Variants in IQCH observed in about 807,000 individuals in gnomAD.
IQCH encodes the protein IQ motif containing H, also known as IQ domain-containing protein H.
In IQCH, 98 loss-of-function variants were observed where a neutral mutation model predicts 117.0. The observed-to-expected ratio is 0.84, with a 90% CI of 0.71 to 0.99. The LOEUF (loss-of-function observed/expected upper bound fraction) is 0.99, where lower values mean the gene tolerates loss of function less well. IQCH is among the 50% of genes least tolerant of loss of function. The pLI, the probability that IQCH is intolerant of heterozygous loss-of-function variation, is 0.00. For missense variants in IQCH, 1,102 were observed against 1,243.8 expected (o/e 0.89, Z 1.72); for synonymous variants, 412 against 448.2 (o/e 0.92, Z 1.02).
In IQCH at chr15:67,273,762, T is replaced by G. The variant is rs577412592; in HGVS notation, c.270-5633T>G. On this transcript the variant is annotated intron_variant, in intron 3 of 20. Transcript: ENST00000335894. ...TTATGTACTTAATTTTACCAGTGAG[T>G]TTTTTTACCTTCCAATGTTTTCTCT... Among the ~76,000 whole-genome samples the G allele has an allele frequency of 3.9e-5, 6 of 152,222 alleles. No individual in the cohort carries two copies. The South Asian group carries it at 1.2e-3, about 32-fold the overall frequency.
chr15:67,410,326 C>T (rs1268153147), intron 14 of IQCH, among the ~76,000 whole-genome samples: 2 of 152,202 alleles, frequency 1.3e-5, no homozygotes, highest in African/African-American at 4.8e-5. Flanking sequence ...AAACATTGGT[C>T]TGGCTTCAGA....
At position 67,357,440 on chromosome 15, in the gene IQCH, A is replaced by G. The variant is rs750204010; in HGVS notation, c.714+19A>G. On this transcript the variant is annotated intron_variant, in intron 7 of 20. Transcript: ENST00000335894. ...ATCAAAGGTATTTATATTCCTCACT[A>G]TAGAAAGAAAATTATTCTTATTTAC... 8 of 1,461,834 alleles carry G rather than the reference A, an allele frequency of 5.5e-6. No homozygotes were observed. The highest frequency in any genetic ancestry group is 3.4e-5 in the South Asian group (3 of 87,924). 90.6% of individuals were successfully genotyped at this position (1,461,834 alleles called of 1,614,324 possible). A position where few individuals can be genotyped will look rare whatever the true frequency, so the allele number is the denominator to read the frequency against.
chr15:67,446,159 G>A (rs2082386197), intron 16 of IQCH, among the ~76,000 whole-genome samples: 1 of 152,172 alleles, frequency 6.6e-6, no homozygotes, highest in South Asian at 2.1e-4. Context: ...TGTTATCCCA[G>A]ATTTTGAGGG....
At chr15:67,409,752 A>C (rs2081397318) in intron 14 of IQCH, among the ~76,000 whole-genome samples, 2 of 152,222 alleles carry the variant, frequency 1.3e-5, no homozygotes, top group Non-Finnish European at 2.9e-5. Flanking sequence ...AGATGGAGCA[A>C]ATATTTTACA....
chr15:67,327,402 C>T (rs549430173), intron 4 of IQCH, among the ~76,000 whole-genome samples: 1 of 152,204 alleles, frequency 6.6e-6, no homozygotes, highest in Non-Finnish European at 1.5e-5. Flanking sequence ...TTTGATGATA[C>T]ATTGCTGCAT....
intron 16 of IQCH, among the ~76,000 whole-genome samples, chr15:67,440,196 A>G (rs2082235928): frequency 6.6e-6 from 1 of 152,218 alleles, no homozygotes; most frequent in African/African-American, 2.4e-5. Flanking sequence ...GAACAGAACT[A>G]TAACAAGCAA....
At position 67,389,107 on chromosome 15, in the gene IQCH, A is replaced by G. The variant is rs151229752; in HGVS notation, c.1632+101A>G. 3.4e-6 allele frequency: 3 copies of G among 889,400 alleles called. No homozygotes were observed. The East Asian group carries it at 7.6e-5, about 22-fold the overall frequency. 55.1% of individuals were successfully genotyped at this position (889,400 alleles called of 1,614,324 possible). A position where few individuals can be genotyped will look rare whatever the true frequency, so the allele number is the denominator to read the frequency against. ...CTCTGGTACACATCAGTGAAATATT[A>G]TTGCAAGTTTAACAGCTTTACTGAT... On this transcript the variant is annotated intron_variant, in intron 12 of 20. Transcript: ENST00000335894.
At chr15:67,256,143 T>C (rs1477189058) in intron 1 of IQCH, among the ~76,000 whole-genome samples, 1 of 152,132 alleles carries the variant, frequency 6.6e-6, no homozygotes, top group African/African-American at 2.4e-5. Context: ...TCCAATTTTA[T>C]TATAGTGAAG....
intron 18 of IQCH, among the ~76,000 whole-genome samples, chr15:67,478,510 T>C (rs1336405282): frequency 6.7e-6 from 1 of 149,996 alleles, no homozygotes; most frequent in Admixed American, 6.6e-5. Flanking sequence ...GAAGAAGAAA[T>C]ATAGATTGGG....
rs145137972 is a variant in IQCH at position 67,329,872 on chromosome 15, A to ATG, written c.388-7089_388-7088dup. ...TATACACATATATAGTGAATTATAT[A>ATG]TGTGTGTGTGTGTGTCCTGTATTAT... On this transcript the variant is annotated intron_variant, in intron 4 of 20. Transcript: ENST00000335894. Among the ~76,000 whole-genome samples the ATG allele has an allele frequency of 6.7e-3, 1,023 of 151,782 alleles. 6 individuals carry two copies. The highest frequency in any genetic ancestry group is 0.011 in the Non-Finnish European group (754 of 67,862).
At position 67,275,875 on chromosome 15, in the gene IQCH, G is replaced by A. The variant is rs188772197; in HGVS notation, c.270-3520G>A. On this transcript the variant is annotated intron_variant, in intron 3 of 20. Transcript: ENST00000335894. ...AGCCTGAGTGACAGAGTGAGATCTT[G>A]TTTCAAATAAATAAATATGTTTAAA... 1.1e-3 allele frequency among the ~76,000 whole-genome samples: 170 copies of A among 152,226 alleles called. 1 individual carries two copies. Among genetic ancestry groups the A allele is most frequent in the African/African-American group, 3.0e-3 (125 of 41,552 alleles).
rs149810440 is a variant in IQCH, at chr15:67,428,526, G to A, written c.2505+6949G>A. 5.4e-3 allele frequency among the ~76,000 whole-genome samples: 819 copies of A among 152,190 alleles called. 8 individuals carry two copies. The highest frequency in any genetic ancestry group is 0.018 in the African/African-American group (740 of 41,514). The stretch of plus-strand genomic sequence containing the variant: ...GGGAAGAGTAGCTTGCATTATCCAG[G>A]TGGCCCCAATATAATCACCAGGGTC... On this transcript the variant is annotated intron_variant, in intron 16 of 20. Coordinates refer to ENST00000335894, the MANE Select transcript of IQCH (RefSeq NM_001031715.3).
intron 18 of IQCH, among the ~76,000 whole-genome samples, chr15:67,482,195 TGGGATCAGA>T (rs2083357213): frequency 1.3e-5 from 2 of 148,164 alleles, no homozygotes; most frequent in Non-Finnish European, 3.0e-5. Flanking sequence ...ATGAAGCAAT[TGGGATCAGA>T]ACTAATCAAG....
intron 17 of IQCH, among the ~76,000 whole-genome samples, chr15:67,469,221 G>C (rs1047110069): frequency 3.3e-5 from 5 of 152,010 alleles, no homozygotes; most frequent in African/African-American, 4.8e-5. Context: ...GAAGAGTACT[G>C]GTCTGGGAGT....
intron 16 of IQCH, among the ~76,000 whole-genome samples, chr15:67,428,679 T>C (rs2081948906): frequency 1.3e-5 from 2 of 151,860 alleles, no homozygotes; most frequent in African/African-American, 4.8e-5. Flanking sequence ...TGAAACCCCA[T>C]CTCTACTAAA....
chr15:67,448,438 T>C (rs1424801493), intron 16 of IQCH, among the ~76,000 whole-genome samples: 5 of 140,756 alleles, frequency 3.6e-5, no homozygotes, highest in South Asian at 4.5e-4. Flanking sequence ...TGTGTTCTCA[T>C]TGTTCAATTC....
rs2082944626 is a variant in IQCH at position 67,466,900 on chromosome 15, G to C, written c.2676+1603G>C. The C allele has an allele frequency of 6.6e-6, 1 of 152,376 alleles. No individual in the cohort carries two copies. Among genetic ancestry groups the C allele is most frequent in the African/African-American group, 2.4e-5 (1 of 41,436 alleles). The allele number at this position is 152,376 out of a possible 1,614,324, so 9.4% of individuals were successfully genotyped here. A position where few individuals can be genotyped will look rare whatever the true frequency, so the allele number is the denominator to read the frequency against. On this transcript the variant is annotated intron_variant, in intron 17 of 20. Coordinates refer to ENST00000335894, the MANE Select transcript of IQCH (RefSeq NM_001031715.3). This position sits in a 1 kb window ranked among gnomAD's most constrained non-coding sequence, Gnocchi z 4.4. ...CAGCAGTGACACTTGAGCCCTTCTG[G>C]CCAGTGAACCTAAGTCTATGCCATT...
chr15:67,367,413 C>T (rs1970372930), intron 8 of IQCH, among the ~76,000 whole-genome samples: 1 of 151,986 alleles, frequency 6.6e-6, no homozygotes, highest in Non-Finnish European at 1.5e-5. Context: ...ATGACATGTG[C>T]CAGTAGTTCC....
In IQCH at chr15:67,473,921, C is replaced by T. The variant is rs2083134542; in HGVS notation, c.2677-1775C>T. On this transcript the variant is annotated intron_variant, in intron 17 of 20. Coordinates refer to ENST00000335894, the MANE Select transcript of IQCH (RefSeq NM_001031715.3). This position sits in a 1 kb window ranked among gnomAD's most constrained non-coding sequence, Gnocchi z 4.9. ...CCTAACTCGTCTGTAGATGTGGACT[C>T]CACTTGCATTTAGGATGAGCAGCCT... 6.6e-6 allele frequency among the ~76,000 whole-genome samples: 1 copy of T among 152,144 alleles called. No individual in the cohort carries two copies. The highest frequency in any genetic ancestry group is 2.4e-5 in the African/African-American group (1 of 41,424).
Sources: gnomAD v4.1 joint callset for allele counts (sites outside exome capture counted in the v4.1 genomes callset) on GRCh38, gnomAD v4.1.1 for gene constraint, Gnocchi (gnomAD v3.1) non-coding constraint, MANE v1.5 for transcripts, NCBI Gene and HGNC (gene_info 2026-07-23, HGNC 2026-07-21) for gene names.